The following CLCC1 variants were observed in gnomAD, a reference collection of about 807,000 sequenced individuals.
CLCC1 encodes chloride channel CLIC-like protein 1.
Under a neutral mutation model 63.3 loss-of-function variants are expected in CLCC1, and 39 were observed. That is an observed-to-expected ratio of 0.62 (90% confidence interval 0.48 to 0.81). The LOEUF (loss-of-function observed/expected upper bound fraction) is 0.81, where lower values mean the gene tolerates loss of function less well. Ranked by LOEUF, CLCC1 falls within the 30% of genes least tolerant of loss-of-function variation. The pLI is 0.00. For missense variants in CLCC1, 549 were observed against 669.4 expected, an observed-to-expected ratio of 0.82 and a Z score of 1.98; for synonymous variants, 217 against 239.8, an observed-to-expected ratio of 0.90 and a Z score of 0.88.
At chr1:108,956,607 G>A (rs1261553497) in intron 2 of CLCC1, among the ~76,000 whole-genome samples, 3 of 150,382 alleles carry the variant, frequency 2.0e-5, no homozygotes, top group Non-Finnish European at 2.9e-5. Context: ...GTTGCAGTGA[G>A]GCGAGATCAC....
intron 2 of CLCC1, among the ~76,000 whole-genome samples, chr1:108,961,537 C>T (rs1656639446): frequency 6.6e-6 from 1 of 152,158 alleles, no homozygotes; most frequent in Admixed American, 6.5e-5. Context: ...GGCTTCGGTA[C>T]TAATAATTTT....
At chr1:108,948,534 A>G (rs891879896) in intron 4 of CLCC1, among the ~76,000 whole-genome samples, 12 of 152,210 alleles carry the variant, frequency 7.9e-5, no homozygotes, top group African/African-American at 2.9e-4. Context: ...AGCAGCACAC[A>G]GACTTAAGAA....
rs191220056 is a variant in CLCC1, at chr1:108,938,672, A to G, written c.1041+964T>C. Among the ~76,000 whole-genome samples the G allele has an allele frequency of 1.2e-4, 19 of 152,248 alleles. No homozygotes were observed. In the East Asian group the frequency reaches 2.1e-3, roughly 17 times the overall value. ...CTTAATGTCTGCTCCTGGATCCCCA[A>G]ACTCTTTCTCAGCATACCCATGTTC... On this transcript the variant is annotated intron_variant, in intron 10 of 12. Transcript: ENST00000369969.
intron 2 of CLCC1, among the ~76,000 whole-genome samples, chr1:108,961,279 T>A (rs1421752616): frequency 3.0e-5 from 3 of 99,710 alleles, no homozygotes; most frequent in Admixed American, 9.8e-5. Flanking sequence ...TGCTGAAGAG[T>A]TTGTTAAAAA....
intron 12 of CLCC1, chr1:108,933,454 T>C (rs953900072): frequency 4.0e-5 from 6 of 150,378 alleles, no homozygotes; most frequent in Non-Finnish European, 8.9e-5. Context: ...AAAATTACAT[T>C]GTTACAGGCA....
Position 108,940,112 on chromosome 1 carries a change from T to C in CLCC1, c.827A>G (p.Asp276Gly), listed in dbSNP as rs148458774. ...CTCATAGTATTTTTGGCATGGGTCA[T>C]CCTTATAGGTCCATGAACTTCTAAA... is the stretch of plus-strand genomic sequence containing the variant. ...EWFRSSWTYK[D>G]DPCQKYYELL... The change falls in exon 9 of 13, where the codon GAT becomes GGT. Residue 276 changes from aspartate (D) to glycine (G), a missense_variant. Transcript: ENST00000369969. 12 of 1,612,906 alleles carry C rather than the reference T, an allele frequency of 7.4e-6. No homozygotes were observed. Among genetic ancestry groups the C allele is most frequent in the African/African-American group, 1.3e-5 (1 of 74,904 alleles).
At chr1:108,940,602 C>CAATTT (rs1653718517) in intron 8 of CLCC1, among the ~76,000 whole-genome samples, 1 of 152,110 alleles carries the variant, frequency 6.6e-6, no homozygotes, top group Non-Finnish European at 1.5e-5. Flanking sequence ...CTGTGTGAAT[C>CAATTT]CACAATTACC....
At chr1:108,948,933 T>C (rs1455854953) in intron 4 of CLCC1, among the ~76,000 whole-genome samples, 1 of 152,182 alleles carries the variant, frequency 6.6e-6, no homozygotes, top group African/African-American at 2.4e-5. Context: ...GTATTCGTAC[T>C]TAATAAGAAT....
intron 2 of CLCC1, 122 bp downstream of exon 2, chr1:108,962,187 G>A (rs1656744228): frequency 6.6e-6 from 1 of 152,212 alleles, no homozygotes; most frequent in South Asian, 2.1e-4. Flanking sequence ...TACTAGACTG[G>A]AGAACTACCA....
Position 108,931,253 on chromosome 1 carries a change from T to C in CLCC1, c.*1294A>G. On this transcript the variant is annotated 3_prime_UTR_variant, in exon 13 of 13. Coordinates refer to ENST00000369969, the MANE Select transcript of CLCC1 (RefSeq NM_001377458.1). ...GATGAAAACTCACAAAAATTAAATA[T>C]GAAAGAAAGATGTCAGCTAGAACCT... 2.1e-6 allele frequency: 3 copies of C among 1,434,438 alleles called. No homozygotes were observed. Among genetic ancestry groups the C allele is most frequent in the Non-Finnish European group, 2.8e-6 (3 of 1,083,948 alleles). 88.9% of individuals were successfully genotyped at this position (1,434,438 alleles called of 1,614,324 possible).
At chr1:108,950,894 C>T (rs1433559148) in intron 2 of CLCC1, among the ~76,000 whole-genome samples, 1 of 151,818 alleles carries the variant, frequency 6.6e-6, no homozygotes, top group Non-Finnish European at 1.5e-5. Flanking sequence ...AGAAGGTACA[C>T]AAAATAAAAA....
chr1:108,962,870 C>CAA lies in CLCC1; in HGVS notation c.-172-403_-172-402dup, dbSNP rs34375249. Among the ~76,000 whole-genome samples the CAA allele has an allele frequency of 4.8e-3, 644 of 133,894 alleles. 2 individuals carry two copies. Among genetic ancestry groups the CAA allele is most frequent in the South Asian group, 0.011 (45 of 4,282 alleles). 87.8% of individuals were successfully genotyped at this position (133,894 alleles called of 152,430 possible). A position where few individuals can be genotyped will look rare whatever the true frequency, so the allele number is the denominator to read the frequency against. On this transcript the variant is annotated intron_variant, in intron 1 of 12. Transcript: ENST00000369969. Reference sequence around the variant, plus strand: ...TGGGTGACACAGCAAGACTCCGTCTCAAAAAAAAAAAAAAAATCCATTTTG... The same window carrying CAA: ...TGGGTGACACAGCAAGACTCCGTCTCAAAAAAAAAAAAAAAAAATCCATTTTG...
Position 108,929,888 on chromosome 1 carries a change from A to G in CLCC1, c.*2659T>C, listed in dbSNP as rs1370271049. Reference sequence around the variant, plus strand: ...TTTGGGCTAAAGGACTTTTTGCAAAATAATGCTTTGTTGGAGTTTAAAAAT... The same window carrying G: ...TTTGGGCTAAAGGACTTTTTGCAAAGTAATGCTTTGTTGGAGTTTAAAAAT... On this transcript the variant is annotated 3_prime_UTR_variant, in exon 13 of 13. Transcript: ENST00000369969. 6.2e-7 allele frequency: 1 copy of G among 1,613,908 alleles called. No individual in the cohort carries two copies. Among genetic ancestry groups the G allele is most frequent in the Non-Finnish European group, 8.5e-7 (1 of 1,179,760 alleles).
rs753411939 is a variant in CLCC1, at chr1:108,937,386, A to G, written c.1074T>C (p.His358=). ...SFCYGAGKSV[H]VLRHIGGPES... Reference sequence around the variant, plus strand: ...CAGGACCGCCTATATGTCTCAGCACATGAACTGATTTTCCAGCACCATAGC... The same window carrying G: ...CAGGACCGCCTATATGTCTCAGCACGTGAACTGATTTTCCAGCACCATAGC... Residue 358 remains histidine (H), a synonymous_variant, in exon 11 of 13, where the codon CAT becomes CAC. Coordinates refer to ENST00000369969, the MANE Select transcript of CLCC1 (RefSeq NM_001377458.1). The G allele has an allele frequency of 9.3e-6, 15 of 1,610,202 alleles. No homozygotes were observed. Among genetic ancestry groups the G allele is most frequent in the African/African-American group, 1.3e-5 (1 of 74,874 alleles).
intron 3 of CLCC1, 51 bp downstream of exon 3, chr1:108,950,258 C>T: frequency 6.4e-7 from 1 of 1,563,100 alleles, no homozygotes; most frequent in Non-Finnish European, 8.7e-7. Flanking sequence ...AGACTGTTTC[C>T]ATCATGGGAC....
chr1:108,943,375 C>G, intron 7 of CLCC1, 100 bp downstream of exon 7: 1 of 1,251,974 alleles, frequency 8.0e-7, no homozygotes, highest in Non-Finnish European at 1.1e-6. Flanking sequence ...ATCACTGCCT[C>G]CAACCCACAT....
intron 2 of CLCC1, among the ~76,000 whole-genome samples, chr1:108,959,412 T>C (rs191224167): frequency 3.3e-5 from 5 of 152,124 alleles, no homozygotes; most frequent in African/African-American, 1.2e-4. Context: ...CTAAGATCTA[T>C]GTTAAGAACA....
chr1:108,950,969 T>C (rs1207078066), intron 2 of CLCC1, among the ~76,000 whole-genome samples: 1 of 152,088 alleles, frequency 6.6e-6, no homozygotes, highest in African/African-American at 2.4e-5. Flanking sequence ...TATAAGAAAA[T>C]AGGTATTTTT....
intron 10 of CLCC1, among the ~76,000 whole-genome samples, 176 bp from the exon 11 acceptor site, chr1:108,937,594 A>C (rs533713221): frequency 6.6e-6 from 1 of 152,236 alleles, no homozygotes; most frequent in Admixed American, 6.5e-5. Context: ...GATTAATACA[A>C]GGCCAGAGTG....
Sources: gnomAD v4.1 joint callset for allele counts (sites outside exome capture counted in the v4.1 genomes callset) on GRCh38, gnomAD v4.1.1 for gene constraint, MANE v1.5 for transcripts, NCBI Gene and HGNC (gene_info 2026-07-23, HGNC 2026-07-21) for gene names.